PDLIM5: variants seen among roughly 807,000 people sequenced by gnomAD.
PDLIM5 encodes PDZ and LIM domain 5.
A neutral mutation model predicts 64.2 loss-of-function variants in PDLIM5; 34 were observed. The ratio of observed to expected loss-of-function variants is 0.53; its 90% CI spans 0.40 to 0.71. The LOEUF is 0.71. Ranked by LOEUF, PDLIM5 falls within the 30% of genes least tolerant of loss-of-function variation. The pLI, the probability that PDLIM5 is intolerant of heterozygous loss-of-function variation, is 0.00. For synonymous variants in PDLIM5, 253 were observed against 269.1 expected (o/e 0.94, Z 0.59); for missense variants, 683 against 733.6 (o/e 0.93, Z 0.80).
Position 94,657,520 on chromosome 4 carries a change from G to C in PDLIM5, c.1558G>C (p.Glu520Gln). 1 of 1,611,036 alleles carries C rather than the reference G, an allele frequency of 6.2e-7. No individual in the cohort carries two copies. The highest frequency in any genetic ancestry group is 1.3e-5 in the African/African-American group (1 of 74,986). ...CATTCGGAACAATGTTTTTCACTTG[G>C]AGGATGGTGAACCCTACTGTGAGAC... ...KPIRNNVFHL[E>Q]DGEPYCETDY... is the part of the protein sequence containing the mutation. The change falls in exon 11 of 13, where the codon GAG becomes CAG. Residue 520 changes from glutamate (E) to glutamine (Q), a missense_variant. Coordinates refer to ENST00000317968, the MANE Select transcript of PDLIM5 (RefSeq NM_006457.5).
rs1268659884 is a variant in PDLIM5, at chr4:94,585,665, T to C, written c.811T>C (p.Trp271Arg). 1 of 1,613,676 alleles carries C rather than the reference T, an allele frequency of 6.2e-7. No individual in the cohort carries two copies. The highest frequency in any genetic ancestry group is 1.7e-5 in the Admixed American group (1 of 59,990). The change falls in exon 6 of 13, where the codon TGG becomes CGG. Residue 271 changes from tryptophan to arginine, a missense_variant. Transcript: ENST00000317968. The stretch of plus-strand genomic sequence containing the variant: ...GAGACTGATTGAGGATACTGAAGAC[T>C]GGCGTCCAAGGACTGGAACAACTCA... The part of the protein sequence containing the change: ...KKRLIEDTED[W>R]RPRTGTTQSR...
rs1392815292 is a variant in PDLIM5 at position 94,615,945 on chromosome 4, A to G, written c.921-2059A>G. 2.6e-5 allele frequency among the ~76,000 whole-genome samples: 4 copies of G among 152,278 alleles called. No homozygotes were observed. The East Asian group carries it at 7.7e-4, about 29-fold the overall frequency. ...AGGTTTTTTCATAACCTGGGCTACT[A>G]TTACCAGTTCCTTCACCCAAACTAT... is the stretch of plus-strand genomic sequence containing the variant. On this transcript the variant is annotated intron_variant, in intron 7 of 12. Transcript: ENST00000317968.
rs117637149 is a variant in PDLIM5 at position 94,479,960 on chromosome 4, A to G, written c.96+24576A>G. Reference sequence around the variant, plus strand: ...AATTATTTTTGCTCCTGGAGAAAATATCACTAGGGGAAGGAGAGAGAAGGA... The same window carrying G: ...AATTATTTTTGCTCCTGGAGAAAATGTCACTAGGGGAAGGAGAGAGAAGGA... On this transcript the variant is annotated intron_variant, in intron 2 of 12. Coordinates refer to ENST00000317968, the MANE Select transcript of PDLIM5 (RefSeq NM_006457.5). Among the ~76,000 whole-genome samples the G allele has an allele frequency of 5.3e-5, 8 of 152,332 alleles. No individual in the cohort carries two copies. The East Asian group carries it at 1.4e-3, about 26-fold the overall frequency.
chr4:94,455,547 A>G, intron 2 of PDLIM5, 163 bp downstream of exon 2: 1 of 649,340 alleles, frequency 1.5e-6, no homozygotes, highest in African/African-American at 1.8e-5. Context: ...AGGGGAGTAG[A>G]TTTAGCAAGG....
chr4:94,480,669 C>T (rs747587967), intron 2 of PDLIM5, among the ~76,000 whole-genome samples: 1 of 152,136 alleles, frequency 6.6e-6, no homozygotes. Context: ...CAAGGCTTTC[C>T]CCCTCCTTCT....
chr4:94,561,451 T>C (rs182928546), intron 3 of PDLIM5, among the ~76,000 whole-genome samples: 155 of 152,344 alleles, frequency 1.0e-3, no homozygotes, highest in African/African-American at 3.6e-3. Context: ...AACGGATCAT[T>C]ATCTTGAGAG....
intron 10 of PDLIM5, among the ~76,000 whole-genome samples, chr4:94,657,225 A>G (rs1468172085): frequency 6.6e-6 from 1 of 152,254 alleles, no homozygotes; most frequent in Non-Finnish European, 1.5e-5. Context: ...ACACACGTCT[A>G]AATATGCATC....
intron 8 of PDLIM5, among the ~76,000 whole-genome samples, chr4:94,628,763 TG>T: frequency 6.6e-6 from 1 of 152,312 alleles, no homozygotes; most frequent in South Asian, 2.1e-4. Context: ...ATGATTTTAA[TG>T]TATGTCCTTA....
At chr4:94,490,555 T>G (rs1384119141) in intron 2 of PDLIM5, among the ~76,000 whole-genome samples, 1 of 152,184 alleles carries the variant, frequency 6.6e-6, no homozygotes, top group African/African-American at 2.4e-5. Context: ...ATTTTGGATA[T>G]TTCATGTATT....
chr4:94,477,710 A>G (rs926836315), intron 2 of PDLIM5, among the ~76,000 whole-genome samples: 2 of 152,176 alleles, frequency 1.3e-5, no homozygotes, highest in South Asian at 2.1e-4. Context: ...GTCCATTTAT[A>G]TGGTGATTTT....
chr4:94,555,538 A>AATCCTTGTG (rs1479193889), intron 3 of PDLIM5, among the ~76,000 whole-genome samples: 1 of 152,206 alleles, frequency 6.6e-6, no homozygotes, highest in African/African-American at 2.4e-5. Context: ...TAGTGTGAAG[A>AATCCTTGTG]ATCCTTGTGC....
In PDLIM5 at chr4:94,594,199, G is replaced by T. The variant is rs539536000; in HGVS notation, c.920+7755G>T. Among the ~76,000 whole-genome samples, 33 of 152,198 alleles carry T rather than the reference G, an allele frequency of 2.2e-4. No individual in the cohort carries two copies. The South Asian group carries it at 6.8e-3, about 32-fold the overall frequency. The stretch of plus-strand genomic sequence containing the variant: ...TGTTGGAGTAATCTAATTGCCAAAA[G>T]TTGACACTTTTTTCTTGATATTTTC... On this transcript the variant is annotated intron_variant, in intron 7 of 12. Transcript: ENST00000317968.
In PDLIM5 at chr4:94,540,031, TA is replaced by T. The variant is rs912737738; in HGVS notation, c.248+16157del. On this transcript the variant is annotated intron_variant, in intron 3 of 12. Coordinates refer to ENST00000317968, the MANE Select transcript of PDLIM5 (RefSeq NM_006457.5). ...TAATAATACTACTAATAATAATACT[TA>T]TAGAGCAGGTAATGTGTGTCAGACA... Among the ~76,000 whole-genome samples the T allele has an allele frequency of 2.6e-5, 4 of 152,118 alleles. No individual in the cohort carries two copies. In the South Asian group the frequency reaches 6.2e-4, roughly 24 times the overall value.
At chr4:94,455,848 A>G in intron 2 of PDLIM5, 2 of 1,397,540 alleles carry the variant, frequency 1.4e-6, no homozygotes, top group Non-Finnish European at 2.0e-6. Flanking sequence ...GATAGCCAAC[A>G]GTAAGATGGC....
rs1323094379 is a variant in PDLIM5 at position 94,459,298 on chromosome 4, A to G, written c.96+3914A>G. On this transcript the variant is annotated intron_variant, in intron 2 of 12. Transcript: ENST00000317968. ...TGGATTACCTGAAGATGATATCCCA[A>G]TTCTCTGTAAACACATTTTAGATGT... Among the ~76,000 whole-genome samples the G allele has an allele frequency of 2.0e-5, 3 of 152,242 alleles. No individual in the cohort carries two copies. In the East Asian group the frequency reaches 5.8e-4, roughly 29 times the overall value.
At chr4:94,499,627 T>A (rs911718385) in intron 2 of PDLIM5, among the ~76,000 whole-genome samples, 2 of 152,336 alleles carry the variant, frequency 1.3e-5, no homozygotes, top group East Asian at 3.9e-4. Context: ...ACAAATACTA[T>A]GCCATTTTAT....
chr4:94,587,539 A>C (rs760773409), intron 7 of PDLIM5: 613 of 909,870 alleles, frequency 6.7e-4, no homozygotes, highest in Non-Finnish European at 7.7e-4. Flanking sequence ...AGTTGATTGT[A>C]AATTATTCTA....
chr4:94,607,987 A>G, intron 7 of PDLIM5: 2 of 1,069,516 alleles, frequency 1.9e-6, no homozygotes, highest in Non-Finnish European at 2.6e-6. Context: ...AAGATGGTAT[A>G]GATGATAAAT....
In PDLIM5 at chr4:94,541,025, G is replaced by A. The variant is rs542577645; in HGVS notation, c.248+17150G>A. Among the ~76,000 whole-genome samples, 12 of 152,294 alleles carry A rather than the reference G, an allele frequency of 7.9e-5. 1 individual carries two copies. In the South Asian group the frequency reaches 1.2e-3, roughly 16 times the overall value. On this transcript the variant is annotated intron_variant, in intron 3 of 12. Coordinates refer to ENST00000317968, the MANE Select transcript of PDLIM5 (RefSeq NM_006457.5). Reference sequence around the variant, plus strand: ...TCTGGGAGAACCATGTACCATCTGCGTGTATACTTCATCTTCCTTCGTATG... The same window carrying A: ...TCTGGGAGAACCATGTACCATCTGCATGTATACTTCATCTTCCTTCGTATG...
Sources: allele counts gnomAD v4.1 joint callset (sites outside exome capture counted in the v4.1 genomes callset), GRCh38; gene constraint gnomAD v4.1.1; transcripts MANE v1.5; gene names NCBI Gene and HGNC (gene_info 2026-07-23, HGNC 2026-07-21).